The following SHROOM3 variants were observed in gnomAD, a reference collection of about 807,000 sequenced individuals.
The protein encoded by SHROOM3 is shroom family member 3.
In SHROOM3, 47 loss-of-function variants were observed where a neutral mutation model predicts 138.6. The observed-to-expected ratio is 0.34, with a 90% CI of 0.27 to 0.43. The LOEUF (loss-of-function observed/expected upper bound fraction) is 0.43, where lower values mean the gene tolerates loss of function less well. SHROOM3 is among the 20% of genes least tolerant of loss of function. The pLI is 1.00. For synonymous variants in SHROOM3, 1,062 were observed against 1,063.3 expected (o/e 1.00, Z 0.02); for missense variants, 2,491 against 2,596.5 (o/e 0.96, Z 0.88).
At chr4:76,521,512 A>C (rs77401960) in intron 1 of SHROOM3, among the ~76,000 whole-genome samples, 1,745 of 152,356 alleles carry the variant, frequency 0.011, 13 homozygotes, top group Non-Finnish European at 0.019. Context: ...AGTCATCCTG[A>C]TAACAATATT....
intron 2 of SHROOM3, among the ~76,000 whole-genome samples, chr4:76,578,951 A>G (rs991093266): frequency 2.6e-5 from 4 of 151,994 alleles, no homozygotes; most frequent in African/African-American, 4.8e-5. Flanking sequence ...AATCCCAGCA[A>G]TCTGGGAGTT....
intron 2 of SHROOM3, among the ~76,000 whole-genome samples, chr4:76,562,716 A>G (rs942191648): frequency 1.7e-4 from 26 of 152,180 alleles, no homozygotes; most frequent in African/African-American, 6.3e-4. Flanking sequence ...TATTTCCTGA[A>G]AAAGCATCTA....
chr4:76,699,638 G>A (rs1379965639), intron 2 of SHROOM3, among the ~76,000 whole-genome samples: 8 of 152,176 alleles, frequency 5.3e-5, no homozygotes, highest in Non-Finnish European at 1.2e-4. Context: ...TGGGAACAGG[G>A]AAGAAGGATT....
intron 1 of SHROOM3, among the ~76,000 whole-genome samples, chr4:76,491,792 A>G (rs1731856401): frequency 6.6e-6 from 1 of 152,234 alleles, no homozygotes. Context: ...ATTTGCAGCC[A>G]GAGCATCCAA....
At chr4:76,555,931 G>A (rs909184399) in intron 2 of SHROOM3, among the ~76,000 whole-genome samples, 168 bp downstream of exon 2, 2 of 152,152 alleles carry the variant, frequency 1.3e-5, no homozygotes, top group East Asian at 3.9e-4. Context: ...GGGATGTGGG[G>A]AGGAAGTGGG....
At chr4:76,673,986 C>T (rs11726099) in intron 2 of SHROOM3, among the ~76,000 whole-genome samples, 30,780 of 152,120 alleles carry the variant, frequency 0.2, 3,408 homozygotes, top group East Asian at 0.36. Flanking sequence ...GATCCTCCTG[C>T]CTCAGACTCC....
intron 3 of SHROOM3, among the ~76,000 whole-genome samples, chr4:76,711,419 A>G (rs1720224754): frequency 6.6e-6 from 1 of 152,240 alleles, no homozygotes; most frequent in African/African-American, 2.4e-5. Flanking sequence ...GTTCTTTCAT[A>G]TAGACATGTC....
intron 2 of SHROOM3, among the ~76,000 whole-genome samples, chr4:76,647,388 T>C (rs190153843): frequency 1.1e-3 from 170 of 152,316 alleles, no homozygotes; most frequent in Non-Finnish European, 2.0e-3. Context: ...ATGTATTGTG[T>C]ATTTCACAGT....
chr4:76,561,364 A>G (rs1733592486), intron 2 of SHROOM3, among the ~76,000 whole-genome samples: 1 of 152,144 alleles, frequency 6.6e-6, no homozygotes, highest in Non-Finnish European at 1.5e-5. Context: ...AAAGTAAAAA[A>G]CAATAAACAT....
At position 76,739,889 on chromosome 4, in the gene SHROOM3, G is replaced by A. The variant is rs773723687; in HGVS notation, c.1716G>A (p.Lys572=). The part of the protein sequence containing the change: ...VPENEEDASL[K]RHLTPPQGNS... Reference sequence around the variant, plus strand: ...AAAATGAGGAGGATGCCTCCCTGAAGAGACATCTCACACCTCCCCAAGGCA... The same window carrying A: ...AAAATGAGGAGGATGCCTCCCTGAAAAGACATCTCACACCTCCCCAAGGCA... The change falls in exon 5 of 11, where the codon AAG becomes AAA. Residue 572 remains lysine, a synonymous_variant. Coordinates refer to ENST00000296043, the MANE Select transcript of SHROOM3 (RefSeq NM_020859.4). 3.4e-5 allele frequency: 55 copies of A among 1,614,110 alleles called. No individual in the cohort carries two copies. Among genetic ancestry groups the A allele is most frequent in the Non-Finnish European group, 4.4e-5 (52 of 1,180,064 alleles).
intron 1 of SHROOM3, among the ~76,000 whole-genome samples, chr4:76,451,280 T>C (rs1476847403): frequency 6.6e-6 from 1 of 152,174 alleles, no homozygotes; most frequent in African/African-American, 2.4e-5. Context: ...AAATTTAATA[T>C]AGTAGAGGAA....
At chr4:76,505,172 C>T (rs1377825313) in intron 1 of SHROOM3, among the ~76,000 whole-genome samples, 1 of 152,080 alleles carries the variant, frequency 6.6e-6, no homozygotes, top group African/African-American at 2.4e-5. Context: ...GGTAGAAGAT[C>T]TCAAGTCACA....
Position 76,756,616 on chromosome 4 carries a change from G to A in SHROOM3, c.4877G>A (p.Gly1626Glu). The change falls in exon 8 of 11, where the codon GGG (glycine) becomes GAG (glutamate). Residue 1626 changes from glycine to glutamate, a missense_variant. By Grantham distance (98) the Gly-to-Glu change is moderately conservative. Around this residue, in one of 4 missense-constraint regions of SHROOM3, gnomAD observed 470 missense variants for 595.0 expected, o/e 0.79. Coordinates refer to ENST00000296043, the MANE Select transcript of SHROOM3 (RefSeq NM_020859.4). The part of the protein sequence containing the change: ...SFMSVHAQLA[G>E]SLGGQPAPIQ... ...ATGAGCGTTCACGCCCAACTTGCTG[G>A]GTCTCTTGGTGGGCAGCCAGCACCC... 6.2e-7 allele frequency: 1 copy of A among 1,613,868 alleles called. No homozygotes were observed. The highest frequency in any genetic ancestry group is 8.5e-7 in the Non-Finnish European group (1 of 1,179,994).
intron 2 of SHROOM3, chr4:76,688,771 TC>T: frequency 1.0e-6 from 1 of 985,310 alleles, no homozygotes; most frequent in Non-Finnish European, 1.2e-6. Flanking sequence ...CCAAAATCTC[TC>T]GAAATTACAG....
chr4:76,766,638 T>C (rs1030270452), intron 9 of SHROOM3, among the ~76,000 whole-genome samples: 2 of 152,206 alleles, frequency 1.3e-5, no homozygotes, highest in African/African-American at 4.8e-5. Context: ...CTGGTAGACA[T>C]TGGTAGGTTT....
At position 76,555,244 on chromosome 4, in the gene SHROOM3, G is replaced by A. The variant is rs375400239; in HGVS notation, c.169-365G>A. ...CCTGGTGCCAAAAAGTTTGGGGACT[G>A]CTCTTCTAAAGGGATAAAACAGTTG... On this transcript the variant is annotated intron_variant, in intron 1 of 10. Coordinates refer to ENST00000296043, the MANE Select transcript of SHROOM3 (RefSeq NM_020859.4). Among the ~76,000 whole-genome samples the A allele has an allele frequency of 2.0e-4, 31 of 152,272 alleles. 1 individual carries two copies. The highest frequency in any genetic ancestry group is 1.2e-3 in the South Asian group (6 of 4,826).
At chr4:76,767,744 G>C (rs1219191972) in intron 9 of SHROOM3, among the ~76,000 whole-genome samples, 1 of 152,026 alleles carries the variant, frequency 6.6e-6, no homozygotes, top group African/African-American at 2.4e-5. Flanking sequence ...ATACAATGAG[G>C]CCACATGAAA....
chr4:76,567,894 GT>G (rs369721207), intron 2 of SHROOM3, among the ~76,000 whole-genome samples: 1,901 of 142,510 alleles, frequency 0.013, 35 homozygotes, highest in African/African-American at 0.044. Flanking sequence ...GGTACTGAAC[GT>G]TTTTTTTTTT....
At chr4:76,772,384 G>A (rs1245096490) in intron 10 of SHROOM3, among the ~76,000 whole-genome samples, 6 of 151,998 alleles carry the variant, frequency 3.9e-5, no homozygotes, top group Non-Finnish European at 7.4e-5. Context: ...GGTTACAGGC[G>A]TGAGCCACCA....
Sources: allele counts gnomAD v4.1 joint callset (sites outside exome capture counted in the v4.1 genomes callset), GRCh38; gene constraint gnomAD v4.1.1; regional missense constraint gnomAD v4.1.1; transcripts MANE v1.5; gene names NCBI Gene and HGNC (gene_info 2026-07-23, HGNC 2026-07-21).